The following PTPRM variants were observed in gnomAD, a reference collection of about 807,000 sequenced individuals.
The protein encoded by PTPRM is protein tyrosine phosphatase receptor type M, also known as receptor-type tyrosine-protein phosphatase mu.
PTPRM carries 47 observed loss-of-function variants against 186.7 expected under a neutral mutation model. The ratio of observed to expected loss-of-function variants is 0.25; its 90% CI spans 0.20 to 0.32. The LOEUF is 0.32. Among genes scored for constraint, PTPRM ranks in the 10% least tolerant of loss-of-function variants. The pLI, the probability that PTPRM is intolerant of heterozygous loss-of-function variation, is 1.00. For missense variants in PTPRM, 1,494 were observed against 1,865.0 expected (o/e 0.80, Z 3.66); for synonymous variants, 668 against 674.9 (o/e 0.99, Z 0.16).
rs183516500 is a variant in PTPRM at position 7,658,496 on chromosome 18, T to C, written c.73+90605T>C. Among the ~76,000 whole-genome samples, 218 of 152,162 alleles carry C rather than the reference T, an allele frequency of 1.4e-3. 3 individuals carry two copies. Among genetic ancestry groups the C allele is most frequent in the African/African-American group, 5.1e-3 (210 of 41,506 alleles). ...GGAATCAACCAGCCTCTCTACTTCC[T>C]TATTTCCATGATACTCAAGTCACCA... On this transcript the variant is annotated intron_variant, in intron 1 of 32. Transcript: ENST00000580170.
intron 1 of PTPRM, among the ~76,000 whole-genome samples, chr18:7,722,862 T>C (rs968734079): frequency 6.6e-6 from 1 of 152,220 alleles, no homozygotes; most frequent in African/African-American, 2.4e-5. Flanking sequence ...CAAATGGCTT[T>C]TAGACCTATG....
chr18:8,344,290 T>A (rs1262090), intron 23 of PTPRM, among the ~76,000 whole-genome samples: 1 of 151,836 alleles, frequency 6.6e-6, no homozygotes, highest in South Asian at 2.1e-4. Context: ...CCATAAAGGG[T>A]TTGTCTCTTA....
chr18:8,012,569 G>A (rs2084599799), intron 7 of PTPRM, among the ~76,000 whole-genome samples: 1 of 152,172 alleles, frequency 6.6e-6, no homozygotes. Context: ...TGTTGCCTAT[G>A]GTTCCTAGGC....
intron 8 of PTPRM, among the ~76,000 whole-genome samples, chr18:8,073,912 C>CA (rs1265874401): frequency 1.3e-5 from 2 of 152,046 alleles, no homozygotes; most frequent in Non-Finnish European, 2.9e-5. Context: ...TTCCAAAAAA[C>CA]AAAAAATCAA....
intron 7 of PTPRM, among the ~76,000 whole-genome samples, chr18:7,986,374 C>T (rs1025215443): frequency 2.0e-5 from 3 of 152,134 alleles, no homozygotes; most frequent in South Asian, 2.1e-4. Flanking sequence ...GGTTCTGGTC[C>T]GTTCTTAGAG....
intron 31 of PTPRM, among the ~76,000 whole-genome samples, chr18:8,392,201 A>AT (rs147553783): frequency 0.054 from 8,244 of 152,238 alleles, 753 homozygotes; most frequent in African/African-American, 0.19. Flanking sequence ...CTGAGAGTGG[A>AT]TTTTTTAAAA....
chr18:7,833,895 A>G lies in PTPRM; in HGVS notation c.197-54211A>G, dbSNP rs1208661985. 5.9e-5 allele frequency among the ~76,000 whole-genome samples: 9 copies of G among 152,326 alleles called. No homozygotes were observed. In the East Asian group the frequency reaches 1.5e-3, roughly 26 times the overall value. ...TCTTTAGGTTTTTCTAAATATATCT[A>G]TCATCTGCAGAAGGATAATTTGACT... On this transcript the variant is annotated intron_variant, in intron 2 of 32. Coordinates refer to ENST00000580170, the MANE Select transcript of PTPRM (RefSeq NM_001105244.2).
At chr18:7,705,656 AT>A (rs1287246576) in intron 1 of PTPRM, among the ~76,000 whole-genome samples, 1 of 151,484 alleles carries the variant, frequency 6.6e-6, no homozygotes, top group Non-Finnish European at 1.5e-5. Flanking sequence ...TTTTTTGTTG[AT>A]TTTAAGGATT....
At chr18:7,671,126 T>C (rs2039209340) in intron 1 of PTPRM, among the ~76,000 whole-genome samples, 1 of 152,202 alleles carries the variant, frequency 6.6e-6, no homozygotes, top group African/African-American at 2.4e-5. Flanking sequence ...GGTCTTTAGT[T>C]TATTGCTTTC....
At chr18:7,973,240 A>C (rs2054691743) in intron 7 of PTPRM, among the ~76,000 whole-genome samples, 1 of 152,108 alleles carries the variant, frequency 6.6e-6, no homozygotes, top group African/African-American at 2.4e-5. Flanking sequence ...CTATAAGTTA[A>C]GTTTACAGTT....
At chr18:7,602,811 AATAT>A (rs2037435800) in intron 1 of PTPRM, among the ~76,000 whole-genome samples, 1 of 149,332 alleles carries the variant, frequency 6.7e-6, no homozygotes, top group African/African-American at 2.4e-5. Context: ...AGTGAATTTA[AATAT>A]ATATAATATA....
At position 7,934,380 on chromosome 18, in the gene PTPRM, A is replaced by G. The variant is rs558418034; in HGVS notation, c.663+7697A>G. 8.5e-5 allele frequency among the ~76,000 whole-genome samples: 13 copies of G among 152,296 alleles called. No individual in the cohort carries two copies. In the East Asian group the frequency reaches 1.9e-3, roughly 23 times the overall value. On this transcript the variant is annotated intron_variant, in intron 5 of 32. Transcript: ENST00000580170. ...GCTGGGTATGAGCTACGCAATCGTG[A>G]AAAAAGTATGTTTCTCCAGTCTAAT...
intron 21 of PTPRM, 101 bp downstream of exon 21, chr18:8,314,958 C>T: frequency 1.3e-6 from 1 of 747,322 alleles, no homozygotes; most frequent in Non-Finnish European, 2.1e-6. Flanking sequence ...ATGATTAAAT[C>T]AGAGTATAAA....
At chr18:7,748,282 A>G (rs1001315798) in intron 1 of PTPRM, among the ~76,000 whole-genome samples, 10 of 152,242 alleles carry the variant, frequency 6.6e-5, no homozygotes, top group African/African-American at 2.4e-4. Context: ...AGTCACTTTG[A>G]GTTTAAAGAG....
At chr18:7,645,576 A>G (rs1423716549) in intron 1 of PTPRM, among the ~76,000 whole-genome samples, 2 of 152,230 alleles carry the variant, frequency 1.3e-5, no homozygotes, top group African/African-American at 2.4e-5. Context: ...CACAAATGCT[A>G]ATATAAACTG....
intron 1 of PTPRM, among the ~76,000 whole-genome samples, chr18:7,652,306 G>T (rs2038730154): frequency 6.6e-6 from 1 of 152,136 alleles, no homozygotes; most frequent in African/African-American, 2.4e-5. Context: ...CTGTTGGTGG[G>T]ACTGTAAACT....
intron 2 of PTPRM, among the ~76,000 whole-genome samples, chr18:7,873,623 G>C (rs2048085595): frequency 6.6e-6 from 1 of 152,160 alleles, no homozygotes; most frequent in South Asian, 2.1e-4. Flanking sequence ...GGAGGGAGTG[G>C]GGGAAGTCAA....
intron 2 of PTPRM, among the ~76,000 whole-genome samples, chr18:7,870,433 C>A (rs554217169): frequency 2.5e-4 from 38 of 151,888 alleles, no homozygotes; most frequent in African/African-American, 9.2e-4. Context: ...GGTGTAGATA[C>A]CAGATAACAT....
At chr18:7,701,314 A>T (rs372041033) in intron 1 of PTPRM, among the ~76,000 whole-genome samples, 1 of 150,928 alleles carries the variant, frequency 6.6e-6, no homozygotes. Context: ...AAAAAAAAAA[A>T]AAAAGGCTGG....
Sources: gnomAD v4.1 joint callset for allele counts (sites outside exome capture counted in the v4.1 genomes callset) on GRCh38, gnomAD v4.1.1 for gene constraint, MANE v1.5 for transcripts, NCBI Gene and HGNC (gene_info 2026-07-23, HGNC 2026-07-21) for gene names.